C15orf40: variants seen among roughly 807,000 people sequenced by gnomAD.
C15orf40 encodes the protein UPF0235 protein C15orf40.
C15orf40 carries 9 observed loss-of-function variants against 13.9 expected under a neutral mutation model. That is an observed-to-expected ratio of 0.65 (90% CI 0.39 to 1.13). The LOEUF is 1.13. Ranked by LOEUF, C15orf40 falls within the 50% of genes most tolerant of loss-of-function variation. The pLI is 0.01. For synonymous variants in C15orf40, 95 were observed against 69.2 expected, an observed-to-expected ratio of 1.37 and a Z score of -1.85; for missense variants, 225 against 188.5, an observed-to-expected ratio of 1.19 and a Z score of -1.13.
rs1000471583 is a variant in C15orf40 at position 82,998,990 on chromosome 15, G to A, written c.*6607C>T. ...TGGAGACCGGCCCGGCCAACACAGC[G>A]AAACCCCGTCTCCACCAAAACCAGT... On this transcript the variant is annotated 3_prime_UTR_variant, in exon 4 of 4. Transcript: ENST00000304177. 1.2e-5 allele frequency: 2 copies of A among 160,026 alleles called. No homozygotes were observed. The highest frequency in any genetic ancestry group is 6.6e-5 in the Admixed American group (1 of 15,058). 9.9% of individuals were successfully genotyped at this position (160,026 alleles called of 1,614,324 possible).
Position 83,004,757 on chromosome 15 carries a change from A to G in C15orf40, c.*840T>C. ...AAAAAATTTTTTTTACATTTAAATA[A>G]GCATTTAAAAATCTAAGGTAAGACT... On this transcript the variant is annotated 3_prime_UTR_variant, in exon 4 of 4. Coordinates refer to ENST00000304177, the MANE Select transcript of C15orf40 (RefSeq NM_144597.3). 2.0e-6 allele frequency: 2 copies of G among 1,024,284 alleles called. No individual in the cohort carries two copies. The highest frequency in any genetic ancestry group is 1.2e-6 in the Non-Finnish European group (1 of 843,038). The allele number at this position is 1,024,284 out of a possible 1,614,324, so 63.4% of individuals were successfully genotyped here. A position where few individuals can be genotyped will look rare whatever the true frequency, so the allele number is the denominator to read the frequency against.
In C15orf40 at chr15:83,002,057, A is replaced by G. The variant is rs984834397; in HGVS notation, c.*3540T>C. The G allele has an allele frequency of 6.6e-6, 1 of 152,302 alleles. No individual in the cohort carries two copies. The highest frequency in any genetic ancestry group is 1.5e-5 in the Non-Finnish European group (1 of 68,098). The allele number at this position is 152,302 out of a possible 1,614,324, so 9.4% of individuals were successfully genotyped here. ...CAAGTAGCTGAGATTACAGTCATGT[A>G]CCACCACGCCCAGCTAATTTTTGTA... On this transcript the variant is annotated 3_prime_UTR_variant, in exon 4 of 4. Transcript: ENST00000304177.
chr15:83,007,310 G>A (rs2031742090), intron 3 of C15orf40, among the ~76,000 whole-genome samples: 1 of 152,188 alleles, frequency 6.6e-6, no homozygotes, highest in South Asian at 2.1e-4. Flanking sequence ...GTTTAGCGTG[G>A]TGATGACTTA....
Position 82,999,026 on chromosome 15 carries a change from G to A in C15orf40, c.*6571C>T, listed in dbSNP as rs1350075104. The A allele has an allele frequency of 5.0e-5, 8 of 158,638 alleles. No homozygotes were observed. Among genetic ancestry groups the A allele is most frequent in the African/African-American group, 1.5e-4 (6 of 40,064 alleles). The allele number at this position is 158,638 out of a possible 1,614,324, so 9.8% of individuals were successfully genotyped here. Reference sequence around the variant, plus strand: ...TCCACCAAAACCAGTCAGGCGTGGCGGCGCGCGCCTGCAATCACAGGCACT... The same window carrying A: ...TCCACCAAAACCAGTCAGGCGTGGCAGCGCGCGCCTGCAATCACAGGCACT... On this transcript the variant is annotated 3_prime_UTR_variant, in exon 4 of 4. Transcript: ENST00000304177.
chr15:83,007,479 G>A (rs1053002002), intron 3 of C15orf40, among the ~76,000 whole-genome samples: 10 of 152,122 alleles, frequency 6.6e-5, no homozygotes, highest in Admixed American at 5.2e-4. Flanking sequence ...AGACTAAATA[G>A]GAAGAATTGA....
intron 3 of C15orf40, among the ~76,000 whole-genome samples, chr15:83,006,839 A>G (rs1470084066): frequency 1.3e-5 from 2 of 152,252 alleles, no homozygotes; most frequent in Admixed American, 1.3e-4. Flanking sequence ...GGGTTTATTT[A>G]GATGAGTGGA....
At position 82,995,917 on chromosome 15, in the gene C15orf40, G is replaced by C. The variant is rs774079797; in HGVS notation, c.*9680C>G. 2.6e-5 allele frequency: 4 copies of C among 152,294 alleles called. No homozygotes were observed. The highest frequency in any genetic ancestry group is 4.4e-5 in the Non-Finnish European group (3 of 68,080). 9.4% of individuals were successfully genotyped at this position (152,294 alleles called of 1,614,324 possible). A position where few individuals can be genotyped will look rare whatever the true frequency, so the allele number is the denominator to read the frequency against. On this transcript the variant is annotated 3_prime_UTR_variant, in exon 4 of 4. Transcript: ENST00000304177. ...CCCAGTCAGTCAGGTTCGTATATAA[G>C]AGTGAGTTATCTGTGGGCTGCTTAG... is the stretch of plus-strand genomic sequence containing the variant.
downstream of C15orf40, chr15:82,991,947 G>A: frequency 1.6e-6 from 2 of 1,284,426 alleles, no homozygotes; most frequent in Non-Finnish European, 2.0e-6. Context: ...TGGGTATGGT[G>A]GCTCACACCT....
Position 82,998,277 on chromosome 15 carries a change from C to G in C15orf40, c.*7320G>C, listed in dbSNP as rs1260208460. On this transcript the variant is annotated 3_prime_UTR_variant, in exon 4 of 4. Transcript: ENST00000304177. ...TGGCCGGGCGGGGGACTGACCCCCC[C>G]CCACCTCCCTCCCGGACGGGGTGGC... 1 of 149,944 alleles carries G rather than the reference C, an allele frequency of 6.7e-6. No individual in the cohort carries two copies. Among genetic ancestry groups the G allele is most frequent in the African/African-American group, 2.8e-5 (1 of 35,422 alleles). 9.3% of individuals were successfully genotyped at this position (149,944 alleles called of 1,614,324 possible).
At chr15:82,990,785 T>TA (rs2030826694), downstream of C15orf40, 1 of 717,728 alleles carries the variant, frequency 1.4e-6, no homozygotes, top group South Asian at 1.7e-5. Flanking sequence ...AATTCACACA[T>TA]AAGAAAGTTT....
intron 3 of C15orf40, 171 bp downstream of exon 3, chr15:83,008,377 G>C (rs2031808046): frequency 3.4e-6 from 2 of 587,534 alleles, no homozygotes. Context: ...AAATTAGCCA[G>C]GCATGGTGGC....
rs1365574078 is a variant in C15orf40 at position 82,998,670 on chromosome 15, G to A, written c.*6927C>T. The A allele has an allele frequency of 2.6e-5, 1 of 38,298 alleles. No homozygotes were observed. The highest frequency in any genetic ancestry group is 5.1e-5 in the Non-Finnish European group (1 of 19,604). The allele number at this position is 38,298 out of a possible 1,614,324, so 2.4% of individuals were successfully genotyped here. A position where few individuals can be genotyped will look rare whatever the true frequency, so the allele number is the denominator to read the frequency against. ...GATGGGATGGCGGCCGGGCGGAGAC[G>A]CTCCTCACTTTCCAGACTGGGCAGC... On this transcript the variant is annotated 3_prime_UTR_variant, in exon 4 of 4. Coordinates refer to ENST00000304177, the MANE Select transcript of C15orf40 (RefSeq NM_144597.3).
chr15:83,001,142 T>A lies in C15orf40; in HGVS notation c.*4455A>T, dbSNP rs184116793. 4.5e-5 allele frequency: 44 copies of A among 985,478 alleles called. No individual in the cohort carries two copies. The highest frequency in any genetic ancestry group is 2.3e-4 in the South Asian group (5 of 21,290). 61.0% of individuals were successfully genotyped at this position (985,478 alleles called of 1,614,324 possible). A position where few individuals can be genotyped will look rare whatever the true frequency, so the allele number is the denominator to read the frequency against. On this transcript the variant is annotated 3_prime_UTR_variant, in exon 4 of 4. Coordinates refer to ENST00000304177, the MANE Select transcript of C15orf40 (RefSeq NM_144597.3). ...GTGCACTGCAAAGGTTCCACCTTCA[T>A]CCTCTGGTTATTGCTGTCCCTCCCC... is the stretch of plus-strand genomic sequence containing the variant.
chr15:83,008,352 CT>C, intron 3 of C15orf40, 195 bp downstream of exon 3: 1 of 504,772 alleles, frequency 2.0e-6, no homozygotes, highest in East Asian at 4.0e-5. Flanking sequence ...AACTCCGTCT[CT>C]ATTAAAAATA....
Position 83,005,348 on chromosome 15 carries a change from G to T in C15orf40, c.*249C>A. ...TGCCCAGGCTGGAGTGCAACGGCGC[G>T]ATCTCGGCTTACTGCAACCTCCGCC... On this transcript the variant is annotated 3_prime_UTR_variant, in exon 4 of 4. Transcript: ENST00000304177. 2 of 849,616 alleles carry T rather than the reference G, an allele frequency of 2.4e-6. No individual in the cohort carries two copies. Among genetic ancestry groups the T allele is most frequent in the South Asian group, 3.6e-5 (1 of 27,828 alleles). The allele number at this position is 849,616 out of a possible 1,614,324, so 52.6% of individuals were successfully genotyped here.
intron 2 of C15orf40, 55 bp from the exon 3 acceptor site, chr15:83,008,730 G>T: frequency 6.6e-7 from 1 of 1,519,384 alleles, no homozygotes; most frequent in Non-Finnish European, 8.8e-7. Flanking sequence ...TCTTCATGAA[G>T]CAAGGACATT....
chr15:83,011,346 G>T, intron 1 of C15orf40, 151 bp downstream of exon 1: 1 of 816,608 alleles, frequency 1.2e-6, no homozygotes, highest in South Asian at 2.2e-5. Context: ...CCGCAGCTCT[G>T]GGGGTGGCGG....
intron 2 of C15orf40, among the ~76,000 whole-genome samples, chr15:83,009,736 C>CT (rs979257494): frequency 4.7e-4 from 71 of 152,302 alleles, no homozygotes; most frequent in African/African-American, 1.6e-3. Flanking sequence ...CTGAAAGCCT[C>CT]TAACTTAGTC....
At position 83,000,657 on chromosome 15, in the gene C15orf40, A is replaced by G. The variant is rs2031378986; in HGVS notation, c.*4940T>C. On this transcript the variant is annotated 3_prime_UTR_variant, in exon 4 of 4. Coordinates refer to ENST00000304177, the MANE Select transcript of C15orf40 (RefSeq NM_144597.3). ...TTCTAAGTTTTTAGTCACTAGTTAC[A>G]TGCATTAAAACAATTTGAATTTGGG... 2.0e-5 allele frequency: 3 copies of G among 152,218 alleles called. No individual in the cohort carries two copies. The highest frequency in any genetic ancestry group is 4.4e-5 in the Non-Finnish European group (3 of 68,046). The allele number at this position is 152,218 out of a possible 1,614,324, so 9.4% of individuals were successfully genotyped here.
Sources: allele counts gnomAD v4.1 joint callset (sites outside exome capture counted in the v4.1 genomes callset), GRCh38; gene constraint gnomAD v4.1.1; transcripts MANE v1.5; gene names NCBI Gene and HGNC (gene_info 2026-07-23, HGNC 2026-07-21).